Variants in RGS9 observed in about 807,000 individuals in gnomAD.
The protein encoded by RGS9 is regulator of G protein signaling 9.
In RGS9, 78 loss-of-function variants were observed where a neutral mutation model predicts 102.0. The ratio of observed to expected loss-of-function variants is 0.76; its 90% CI spans 0.64 to 0.92. The LOEUF (loss-of-function observed/expected upper bound fraction) is 0.92, where lower values mean the gene tolerates loss of function less well. RGS9 is among the 40% of genes least tolerant of loss of function. The probability of loss-of-function intolerance (pLI) is 0.00; values close to 1 mark genes in which losing one functional copy is unlikely to be tolerated. For synonymous variants in RGS9, 353 were observed against 318.6 expected (o/e 1.11, Z -1.15); for missense variants, 833 against 866.1 (o/e 0.96, Z 0.48).
chr17:65,216,280 A>G (rs936529004), intron 17 of RGS9, among the ~76,000 whole-genome samples: 2 of 152,198 alleles, frequency 1.3e-5, no homozygotes, highest in African/African-American at 4.8e-5. Context: ...TTTTTTAAGC[A>G]TTAAATTTTG....
rs748276770 is a variant in RGS9, at chr17:65,160,587, G to A, written c.364G>A (p.Ala122Thr). The A allele has an allele frequency of 6.8e-6, 11 of 1,613,920 alleles. No homozygotes were observed. In the East Asian group the frequency reaches 8.9e-5, roughly 13 times the overall value. Residue 122 changes from alanine to threonine, a missense_variant and splice_region_variant, in exon 5 of 19, where the codon GCC becomes ACC. Ala to Thr is a moderately conservative substitution (Grantham distance 58). Around this residue, in one of 3 missense-constraint regions of RGS9, gnomAD observed 328 missense variants for 340.6 expected, o/e 0.96. Transcript: ENST00000262406. ...GTGGCCAGCTGAAGATACCGATTAC[G>A]GTAAATACTTCAGCCCCAACTATGC... ...QQWPAEDTDYAIYLAKRNIKK... is the reference protein window; with the variant it reads ...QQWPAEDTDYTIYLAKRNIKK...
intron 1 of RGS9, among the ~76,000 whole-genome samples, chr17:65,143,650 TG>T (rs1419936124): frequency 6.6e-6 from 1 of 151,716 alleles, no homozygotes; most frequent in East Asian, 1.9e-4. Flanking sequence ...ACAAATGAGC[TG>T]GGCATGCTGG....
chr17:65,181,404 T>C (rs1911879612), intron 9 of RGS9, among the ~76,000 whole-genome samples: 1 of 152,236 alleles, frequency 6.6e-6, no homozygotes, highest in Non-Finnish European at 1.5e-5. Flanking sequence ...CTTGAGAAGA[T>C]GTATCTGTTT....
chr17:65,138,980 A>ATCCCCTCCTCCACCCCAGCC (rs1910025796), intron 1 of RGS9, among the ~76,000 whole-genome samples: 1 of 37,912 alleles, frequency 2.6e-5, no homozygotes, highest in African/African-American at 1.0e-4. Context: ...CCACCCCAGC[A>ATCCCCTCCTCCACCCCAGCC]TCCCCTCCTC....
intron 17 of RGS9, among the ~76,000 whole-genome samples, chr17:65,224,154 A>C (rs927437744): frequency 2.0e-5 from 3 of 152,154 alleles, no homozygotes; most frequent in Non-Finnish European, 4.4e-5. Flanking sequence ...CCATGGGAAA[A>C]GTGGTGATAG....
intron 17 of RGS9, among the ~76,000 whole-genome samples, chr17:65,223,256 T>C (rs1296568630): frequency 1.3e-5 from 2 of 152,250 alleles, no homozygotes; most frequent in Admixed American, 1.3e-4. Flanking sequence ...TGATTGTTAT[T>C]ACTATAATAA....
intron 1 of RGS9, among the ~76,000 whole-genome samples, chr17:65,145,136 G>A (rs1910303430): frequency 6.6e-6 from 1 of 152,050 alleles, no homozygotes. Context: ...TGTTGCCCAG[G>A]CTGGAGTGCA....
At chr17:65,157,596 C>T (rs543153727) in intron 2 of RGS9, among the ~76,000 whole-genome samples, 37 of 152,046 alleles carry the variant, frequency 2.4e-4, no homozygotes, top group African/African-American at 8.7e-4. Context: ...GTGTTGTTCC[C>T]AAGCCAGCCC....
intron 8 of RGS9, among the ~76,000 whole-genome samples, chr17:65,174,131 C>T (rs888578804): frequency 3.3e-5 from 5 of 152,140 alleles, no homozygotes; most frequent in Admixed American, 1.3e-4. Context: ...AGTCTAAGGC[C>T]GTCTGGTCTG....
At chr17:65,202,444 T>TGTGTGTGTGTGTGTGTGAGA (rs3838367) in intron 14 of RGS9, among the ~76,000 whole-genome samples, 36 of 131,776 alleles carry the variant, frequency 2.7e-4, no homozygotes, top group Admixed American at 4.6e-4. Flanking sequence ...TGTGTGTGTG[T>TGTGTGTGTGTGTGTGTGAGA]GAGAGAGAGA....
At chr17:65,160,709 C>A in intron 5 of RGS9, 122 bp downstream of exon 5, 1 of 1,384,418 alleles carries the variant, frequency 7.2e-7, no homozygotes, top group Non-Finnish European at 1.0e-6. Context: ...CACATCTGTA[C>A]TGGGCATGTC....
At chr17:65,202,408 GGTGTGTGTGTGTGTGTGTGT>G (rs746368093) in intron 14 of RGS9, among the ~76,000 whole-genome samples, 2 of 132,272 alleles carry the variant, frequency 1.5e-5, no homozygotes, top group Non-Finnish European at 3.1e-5. Flanking sequence ...TGTCCTGAGG[GGTGTGTGTGTGTGTGTGTGT>G]GTGTGTGTGT....
At chr17:65,178,896 T>C (rs1911747731) in intron 9 of RGS9, among the ~76,000 whole-genome samples, 1 of 152,146 alleles carries the variant, frequency 6.6e-6, no homozygotes, top group South Asian at 2.1e-4. Flanking sequence ...AGTACCTCCA[T>C]TCCTCTCCCT....
At chr17:65,155,913 G>A (rs1910749917) in intron 2 of RGS9, among the ~76,000 whole-genome samples, 1 of 152,184 alleles carries the variant, frequency 6.6e-6, no homozygotes, top group African/African-American at 2.4e-5. Context: ...TGGGGTTATG[G>A]AGACCAAAGA....
chr17:65,158,467 C>A (rs1598569348), intron 3 of RGS9, 122 bp downstream of exon 3: 1 of 924,936 alleles, frequency 1.1e-6, no homozygotes, highest in Non-Finnish European at 1.8e-6. Flanking sequence ...ACAGACATGA[C>A]CTTCGTGTGT....
chr17:65,166,180 C>G, intron 7 of RGS9, among the ~76,000 whole-genome samples: 1 of 152,216 alleles, frequency 6.6e-6, no homozygotes, highest in East Asian at 1.9e-4. Context: ...TGCTGTCCCA[C>G]CTTTTATGGC....
intron 5 of RGS9, 70 bp from the exon 6 acceptor site, chr17:65,160,781 C>T (rs570396377): frequency 5.8e-6 from 9 of 1,540,108 alleles, no homozygotes; most frequent in African/African-American, 1.4e-5. Context: ...ACAGCAGCCT[C>T]AGGCTTAGGG....
chr17:65,199,794 A>G (rs8075290), intron 13 of RGS9, among the ~76,000 whole-genome samples: 30,441 of 151,646 alleles, frequency 0.2, 5,111 homozygotes, highest in African/African-American at 0.44. Context: ...GCGCCTGGCC[A>G]CGTGGTTCCT....
At chr17:65,171,488 G>T (rs182058080) in intron 8 of RGS9, among the ~76,000 whole-genome samples, 1 of 152,338 alleles carries the variant, frequency 6.6e-6, no homozygotes, top group Non-Finnish European at 1.5e-5. Flanking sequence ...CCCCACCCGT[G>T]GTCCCTCTCT....
Sources: gnomAD v4.1 joint callset for allele counts (sites outside exome capture counted in the v4.1 genomes callset) on GRCh38, gnomAD v4.1.1 for gene constraint, gnomAD v4.1.1 regional missense constraint, MANE v1.5 for transcripts, NCBI Gene and HGNC (gene_info 2026-07-23, HGNC 2026-07-21) for gene names.